STRN4: variants seen among roughly 807,000 people sequenced by gnomAD.
STRN4 encodes the protein striatin-4.
STRN4 carries 27 observed loss-of-function variants against 77.9 expected under a neutral mutation model. That is an observed-to-expected ratio of 0.35 (90% CI 0.26 to 0.48). STRN4 has a LOEUF of 0.48. STRN4 is among the 20% of genes least tolerant of loss of function. The pLI is 0.99. For synonymous variants in STRN4, 466 were observed against 443.1 expected, an observed-to-expected ratio of 1.05 and a Z score of -0.65; for missense variants, 798 against 1,049.7, an observed-to-expected ratio of 0.76 and a Z score of 3.31.
chr19:46,721,956 A>T, intron 16 of STRN4, 30 bp downstream of exon 16: 1 of 1,611,482 alleles, frequency 6.2e-7, no homozygotes, highest in Non-Finnish European at 8.5e-7. Flanking sequence ...CTTCTCCCCA[A>T]CCCTGGTGGG....
chr19:46,745,487 T>C (rs983764776), intron 1 of STRN4, among the ~76,000 whole-genome samples: 1 of 151,472 alleles, frequency 6.6e-6, no homozygotes, highest in East Asian at 2.0e-4. Flanking sequence ...TACACAGCCC[T>C]CCTTCCGTGC....
chr19:46,719,917 G>A lies in STRN4; in HGVS notation c.*488C>T, dbSNP rs1019427872. The A allele has an allele frequency of 4.6e-5, 7 of 152,436 alleles. No homozygotes were observed. The South Asian group carries it at 1.2e-3, about 27-fold the overall frequency. The allele number at this position is 152,436 out of a possible 1,614,324, so 9.4% of individuals were successfully genotyped here. On this transcript the variant is annotated 3_prime_UTR_variant, in exon 18 of 18. Transcript: ENST00000263280. ...GTTAGTGTCTGGAAAGCAGTGGAGAGGGCCGGAGGGGAGGGGCAGCCAGGC... is the reference window on the plus strand; with the variant it reads ...GTTAGTGTCTGGAAAGCAGTGGAGAAGGCCGGAGGGGAGGGGCAGCCAGGC...
chr19:46,724,163 A>G lies in STRN4; in HGVS notation c.1594+644T>C, dbSNP rs371759304. Among the ~76,000 whole-genome samples the G allele has an allele frequency of 5.3e-5, 8 of 150,398 alleles. No individual in the cohort carries two copies. In the South Asian group the frequency reaches 1.0e-3, roughly 20 times the overall value. On this transcript the variant is annotated intron_variant, in intron 12 of 17. Transcript: ENST00000263280. ...CTCGGGAGGCTGAGGCACGAGAATC[A>G]CTTGAACCCAGGAGGTAGAGGTTGC...
At chr19:46,728,140 G>A in intron 7 of STRN4, 133 bp from the exon 8 acceptor site, 1 of 854,422 alleles carries the variant, frequency 1.2e-6, no homozygotes, top group Non-Finnish European at 1.9e-6. Context: ...GGGGAGGGGG[G>A]GAATGGGCAG....
At chr19:46,735,984 A>G (rs1232317418) in intron 4 of STRN4, among the ~76,000 whole-genome samples, 2 of 139,694 alleles carry the variant, frequency 1.4e-5, no homozygotes, top group Non-Finnish European at 1.5e-5. Flanking sequence ...TAATAATGAT[A>G]ATAATTTGGC....
intron 1 of STRN4, 164 bp downstream of exon 1, chr19:46,745,985 C>T (rs1416760305): frequency 1.8e-5 from 16 of 893,512 alleles, no homozygotes; most frequent in African/African-American, 3.5e-5. Context: ...GGACACCCCT[C>T]GGACGGCCCC....
intron 4 of STRN4, among the ~76,000 whole-genome samples, chr19:46,734,148 G>A (rs577780998): frequency 1.2e-4 from 19 of 152,346 alleles, no homozygotes; most frequent in African/African-American, 4.3e-4. Context: ...GGGCTTTAAA[G>A]CTGGGCACTG....
rs774348860 is a variant in STRN4, at chr19:46,722,955, G to A, written c.1766-5C>T. 6.2e-7 allele frequency: 1 copy of A among 1,613,730 alleles called. No individual in the cohort carries two copies. Among genetic ancestry groups the A allele is most frequent in the Non-Finnish European group, 8.5e-7 (1 of 1,179,998 alleles). The stretch of plus-strand genomic sequence containing the variant: ...CTGAGGTGGGGACCCCGTGCTCTGA[G>A]GGCACAGGGAAGAGAAGGCTGCTGA... On this transcript the variant is annotated splice_region_variant and splice_polypyrimidine_tract_variant and intron_variant, in intron 13 of 17. Transcript: ENST00000263280.
intron 5 of STRN4, chr19:46,732,470 C>T (rs2054275810): frequency 6.5e-6 from 1 of 153,988 alleles, no homozygotes; most frequent in African/African-American, 2.4e-5. Context: ...TCTCTCCTGC[C>T]TCTGGACCTC....
intron 6 of STRN4, 82 bp from the exon 7 acceptor site, chr19:46,728,859 C>T: frequency 2.6e-6 from 4 of 1,559,982 alleles, no homozygotes; most frequent in Non-Finnish European, 3.5e-6. Context: ...AACAGGTAAG[C>T]CGGGGCTCTG....
In STRN4 at chr19:46,733,363, G is replaced by A; in HGVS notation, c.540-127C>T. 2 of 801,550 alleles carry A rather than the reference G, an allele frequency of 2.5e-6. No homozygotes were observed. Among genetic ancestry groups the A allele is most frequent in the Middle Eastern group, 3.7e-4 (1 of 2,726 alleles). 49.7% of individuals were successfully genotyped at this position (801,550 alleles called of 1,614,324 possible). A position where few individuals can be genotyped will look rare whatever the true frequency, so the allele number is the denominator to read the frequency against. On this transcript the variant is annotated intron_variant, in intron 4 of 17. Transcript: ENST00000263280. This position sits in a 1 kb window ranked among gnomAD's most constrained non-coding sequence, Gnocchi z 4.3. ...GAGCATACACCAAAATCTGACATAAGCACACCCTCGCTCCAGCAGTTCCCC... is the reference window on the plus strand; with the variant it reads ...GAGCATACACCAAAATCTGACATAAACACACCCTCGCTCCAGCAGTTCCCC...
intron 17 of STRN4, 65 bp from the exon 18 acceptor site, chr19:46,720,403 C>T (rs1047669626): frequency 1.6e-6 from 1 of 616,612 alleles, no homozygotes; most frequent in Admixed American, 4.2e-5. Flanking sequence ...AGGCCTCAAC[C>T]CCTCCCCTGC....
chr19:46,729,024 C>A (rs2054189106), intron 6 of STRN4, among the ~76,000 whole-genome samples: 1 of 152,214 alleles, frequency 6.6e-6, no homozygotes. Context: ...CTGCTCCAGT[C>A]CCCCAGCAAG....
intron 4 of STRN4, among the ~76,000 whole-genome samples, chr19:46,734,311 A>G (rs1368641503): frequency 1.3e-5 from 2 of 152,260 alleles, no homozygotes; most frequent in Non-Finnish European, 2.9e-5. Flanking sequence ...TGTTTAGCAC[A>G]GTGCCAGGCA....
At chr19:46,736,732 T>C (rs746514817) in intron 4 of STRN4, 91 bp downstream of exon 4, 83 of 1,309,346 alleles carry the variant, frequency 6.3e-5, no homozygotes, top group Non-Finnish European at 8.8e-5. Context: ...GCATCCCCAG[T>C]GGGGACGGAA....
intron 6 of STRN4, among the ~76,000 whole-genome samples, chr19:46,729,911 C>T (rs1265570784): frequency 6.6e-6 from 1 of 152,050 alleles, no homozygotes; most frequent in Non-Finnish European, 1.5e-5. Context: ...TGGGCCAGGG[C>T]CCCCTGGGAG....
chr19:46,720,776 A>C lies in STRN4; in HGVS notation c.2093-5T>G. 2 of 1,566,510 alleles carry C rather than the reference A, an allele frequency of 1.3e-6. No individual in the cohort carries two copies. Among genetic ancestry groups the C allele is most frequent in the Non-Finnish European group, 1.7e-6 (2 of 1,151,246 alleles). The stretch of plus-strand genomic sequence containing the variant: ...GACGCAGGGAGCAGTCATGGCCTGC[A>C]CATGTGTCGGGGACAGAAGGGGTGG... On this transcript the variant is annotated splice_polypyrimidine_tract_variant and splice_region_variant and intron_variant, in intron 16 of 17. Transcript: ENST00000263280.
intron 12 of STRN4, 33 bp downstream of exon 12, chr19:46,724,774 A>T (rs752267469): frequency 6.2e-7 from 1 of 1,613,656 alleles, no homozygotes; most frequent in Non-Finnish European, 8.5e-7. Flanking sequence ...GCCCCAGTGG[A>T]TGTGAGGGGA....
At position 46,733,163 on chromosome 19, in the gene STRN4, G is replaced by A. The variant is rs749422074; in HGVS notation, c.613C>T (p.Arg205Cys). 1.3e-5 allele frequency: 21 copies of A among 1,611,672 alleles called. No homozygotes were observed. The highest frequency in any genetic ancestry group is 9.3e-5 in the African/African-American group (7 of 74,924). Residue 205 changes from arginine to cysteine, a missense_variant, in exon 5 of 18, where the codon CGC (arginine) becomes TGC (cysteine). Around this residue, in one of 2 missense-constraint regions of STRN4, gnomAD observed 511 missense variants for 575.9 expected, o/e 0.89. Coordinates refer to ENST00000263280, the MANE Select transcript of STRN4 (RefSeq NM_013403.3). This position sits in a 1 kb window ranked among gnomAD's most constrained non-coding sequence, Gnocchi z 4.3. ...ACTGCCCCGTTGAGCTCCAGCGAGCGGCCCAGCAGGGAACGGACGCGCTTG... is the reference window on the plus strand; with the variant it reads ...ACTGCCCCGTTGAGCTCCAGCGAGCAGCCCAGCAGGGAACGGACGCGCTTG... ...RSKRVRSLLGRSLELNGAVEP... is the reference protein window; with the variant it reads ...RSKRVRSLLGCSLELNGAVEP...
Sources: gnomAD v4.1 joint callset for allele counts (sites outside exome capture counted in the v4.1 genomes callset) on GRCh38, gnomAD v4.1.1 for gene constraint, gnomAD v4.1.1 regional missense constraint, Gnocchi (gnomAD v3.1) non-coding constraint, MANE v1.5 for transcripts, NCBI Gene and HGNC (gene_info 2026-07-23, HGNC 2026-07-21) for gene names.